RBL1: variants seen among roughly 807,000 people sequenced by gnomAD.
RBL1 encodes the protein RB transcriptional corepressor like 1, also known as retinoblastoma-like protein 1.
Under a neutral mutation model 123.0 loss-of-function variants are expected in RBL1, and 82 were observed. The observed-to-expected ratio is 0.67, with a 90% CI of 0.56 to 0.80. RBL1 has a LOEUF of 0.80. Ranked by LOEUF, RBL1 falls within the 30% of genes least tolerant of loss-of-function variation. RBL1 has a pLI of 0.00. For synonymous variants in RBL1, 405 were observed against 441.3 expected (o/e 0.92, Z 1.03); for missense variants, 1,171 against 1,299.6 (o/e 0.90, Z 1.52).
chr20:37,038,441 C>T (rs1192098540), intron 14 of RBL1, among the ~76,000 whole-genome samples: 1 of 149,884 alleles, frequency 6.7e-6, no homozygotes, highest in African/African-American at 2.5e-5. Flanking sequence ...GCTGGGATTA[C>T]AGGCACCTGC....
intron 21 of RBL1, among the ~76,000 whole-genome samples, chr20:36,999,789 C>A (rs1049939687): frequency 4.6e-5 from 7 of 152,236 alleles, no homozygotes; most frequent in African/African-American, 1.7e-4. Context: ...CGCGTTTACT[C>A]AGTGCTCAAT....
intron 1 of RBL1, among the ~76,000 whole-genome samples, chr20:37,092,069 C>A (rs1354030830): frequency 6.6e-6 from 1 of 151,994 alleles, no homozygotes; most frequent in African/African-American, 2.4e-5. Context: ...ACAGCAAAAC[C>A]CTATCTCTAC....
intron 10 of RBL1, 97 bp downstream of exon 10, chr20:37,056,047 AAG>A (rs2064998750): frequency 2.0e-6 from 3 of 1,478,746 alleles, no homozygotes; most frequent in East Asian, 2.6e-5. Context: ...AAAAAAAAAA[AAG>A]AAATAAGAAT....
intron 19 of RBL1, among the ~76,000 whole-genome samples, chr20:37,012,927 C>A (rs1015910625): frequency 1.8e-4 from 26 of 146,846 alleles, no homozygotes; most frequent in Non-Finnish European, 6.0e-5. Context: ...GGGGTTCAGC[C>A]CCCCCGCCAG....
At position 37,089,080 on chromosome 20, in the gene RBL1, A is replaced by G; in HGVS notation, c.199T>C (p.Cys67Arg). Reference sequence around the variant, plus strand: ...ACCGTGGGAATAATGCTTTTGCGGCATGCAACATATAATGAACATGCCAAC... The same window carrying G: ...ACCGTGGGAATAATGCTTTTGCGGCGTGCAACATATAATGAACATGCCAAC... ...HWLACSLYVA[C>R]RKSIIPTVGK... The change falls in exon 2 of 22, where the codon TGC becomes CGC. Residue 67 changes from cysteine (C) to arginine (R), a missense_variant. Coordinates refer to ENST00000373664, the MANE Select transcript of RBL1 (RefSeq NM_002895.5). 6.2e-7 allele frequency: 1 copy of G among 1,611,976 alleles called. No individual in the cohort carries two copies. Among genetic ancestry groups the G allele is most frequent in the Non-Finnish European group, 8.5e-7 (1 of 1,178,866 alleles).
intron 15 of RBL1, among the ~76,000 whole-genome samples, chr20:37,033,326 C>T (rs1437834169): frequency 1.3e-5 from 2 of 151,704 alleles, no homozygotes; most frequent in Non-Finnish European, 2.9e-5. Flanking sequence ...GAACTACAGG[C>T]ACATGCTACC....
chr20:37,065,344 G>C, intron 7 of RBL1, 80 bp downstream of exon 7: 2 of 1,100,382 alleles, frequency 1.8e-6, no homozygotes, highest in Non-Finnish European at 2.6e-6. Flanking sequence ...TTGATATACT[G>C]TTATGCTTAA....
chr20:37,088,973 C>T lies in RBL1; in HGVS notation c.290+16G>A. The T allele has an allele frequency of 6.5e-7, 1 of 1,532,500 alleles. No individual in the cohort carries two copies. Among genetic ancestry groups the T allele is most frequent in the African/African-American group, 1.4e-5 (1 of 72,176 alleles). The allele number at this position is 1,532,500 out of a possible 1,614,324, so 94.9% of individuals were successfully genotyped here. ...TTAGAGCTTATATAACATTTAAAAACATCAAAGAGGTTTACCTTAATTTAG... is the reference window on the plus strand; with the variant it reads ...TTAGAGCTTATATAACATTTAAAAATATCAAAGAGGTTTACCTTAATTTAG... On this transcript the variant is annotated intron_variant, in intron 2 of 21. Transcript: ENST00000373664.
chr20:37,001,848 C>G (rs2063986168), intron 21 of RBL1, among the ~76,000 whole-genome samples: 2 of 131,602 alleles, frequency 1.5e-5, no homozygotes. Context: ...ACCCTGTGAA[C>G]TAAGAGTCTA....
chr20:37,017,454 G>A (rs1382940145), intron 19 of RBL1, among the ~76,000 whole-genome samples: 1 of 151,894 alleles, frequency 6.6e-6, no homozygotes, highest in Non-Finnish European at 1.5e-5. Flanking sequence ...AGGGAAAGGA[G>A]GTAGGCAGAA....
At chr20:37,067,444 T>G (rs1024759338) in intron 3 of RBL1, 147 bp from the exon 4 acceptor site, 16 of 715,330 alleles carry the variant, frequency 2.2e-5, no homozygotes, top group African/African-American at 3.7e-5. Context: ...TGAAATGGAC[T>G]TAAGTAAGCC....
In RBL1 at chr20:37,020,652, A is replaced by C; in HGVS notation, c.2631+7T>G. ...TTTTGGACAGTAGGAAAAATAATGT[A>C]ACTCACGTGACTATTAGCTTGGGGC... On this transcript the variant is annotated splice_region_variant and intron_variant, in intron 18 of 21. Transcript: ENST00000373664. The C allele has an allele frequency of 6.4e-7, 1 of 1,550,724 alleles. No individual in the cohort carries two copies. Among genetic ancestry groups the C allele is most frequent in the Non-Finnish European group, 8.8e-7 (1 of 1,141,140 alleles).
At chr20:37,086,423 T>C (rs1388560274) in intron 2 of RBL1, among the ~76,000 whole-genome samples, 2 of 151,894 alleles carry the variant, frequency 1.3e-5, no homozygotes, top group Non-Finnish European at 2.9e-5. Context: ...CCTCTCCCTA[T>C]TAAAAATATA....
intron 9 of RBL1, among the ~76,000 whole-genome samples, chr20:37,060,660 T>C (rs79979557): frequency 0.09 from 13,660 of 151,988 alleles, 743 homozygotes; most frequent in Non-Finnish European, 0.13. Context: ...CTTGCACCTG[T>C]AGTTCCAGCT....
chr20:37,057,071 A>G (rs1264999874), intron 9 of RBL1, among the ~76,000 whole-genome samples: 1 of 152,076 alleles, frequency 6.6e-6, no homozygotes, highest in Non-Finnish European at 1.5e-5. Context: ...CTACACACAC[A>G]CACATACACC....
At chr20:37,002,621 G>A (rs1347039275) in intron 21 of RBL1, among the ~76,000 whole-genome samples, 1 of 151,822 alleles carries the variant, frequency 6.6e-6, no homozygotes, top group Non-Finnish European at 1.5e-5. Context: ...TTACAGGCAT[G>A]AGCCACCGTG....
chr20:37,075,628 G>GT (rs909235857), intron 2 of RBL1, among the ~76,000 whole-genome samples: 40 of 152,106 alleles, frequency 2.6e-4, no homozygotes, highest in Middle Eastern at 6.8e-3. Flanking sequence ...ACTAATTTTT[G>GT]TATTTTTGGT....
intron 19 of RBL1, 51 bp downstream of exon 19, chr20:37,018,228 C>T: frequency 1.9e-6 from 3 of 1,542,232 alleles, no homozygotes; most frequent in South Asian, 1.3e-5. Context: ...GTATTATGTA[C>T]AGTGTGATCC....
At chr20:37,013,676 G>A (rs1339230330) in intron 19 of RBL1, among the ~76,000 whole-genome samples, 1 of 152,088 alleles carries the variant, frequency 6.6e-6, no homozygotes, top group African/African-American at 2.4e-5. Flanking sequence ...TTTACTCTTA[G>A]GGATAATAAT....
Sources: gnomAD v4.1 joint callset for allele counts (sites outside exome capture counted in the v4.1 genomes callset) on GRCh38, gnomAD v4.1.1 for gene constraint, MANE v1.5 for transcripts, NCBI Gene and HGNC (gene_info 2026-07-23, HGNC 2026-07-21) for gene names.